TENM1: variants seen among roughly 807,000 people sequenced by gnomAD.
The protein encoded by TENM1 is teneurin-1.
In TENM1, 35 loss-of-function variants were observed where a neutral mutation model predicts 174.8. The ratio of observed to expected loss-of-function variants is 0.20; its 90% CI spans 0.15 to 0.27. The LOEUF is 0.27. Among genes scored for constraint, TENM1 ranks in the 10% least tolerant of loss-of-function variants. The probability of loss-of-function intolerance (pLI) is 1.00; values close to 1 mark genes in which losing one functional copy is unlikely to be tolerated. For missense variants in TENM1, 1,633 were observed against 2,130.1 expected (o/e 0.77, Z 4.59); for synonymous variants, 781 against 798.7 (o/e 0.98, Z 0.37).
intron 6 of TENM1, among the ~76,000 whole-genome samples, chrX:124,661,208 T>A (rs1336846918): frequency 8.9e-6 from 1 of 111,815 alleles, no homozygotes; most frequent in Non-Finnish European, 1.9e-5. Flanking sequence ...TTCTTTCTGA[T>A]GTGATGAAAA....
chrX:125,081,432 T>C, the TENM1 span, among the ~76,000 whole-genome samples: 1 of 110,837 alleles, frequency 9.0e-6, no homozygotes, highest in African/African-American at 3.3e-5. Context: ...TGTCTTTCAA[T>C]TTCCCTCCCA....
intron 3 of TENM1, among the ~76,000 whole-genome samples, chrX:124,847,228 G>A (rs2056626490): frequency 9.0e-6 from 1 of 111,241 alleles, no homozygotes; most frequent in Non-Finnish European, 1.9e-5. Flanking sequence ...GGGCTATTTT[G>A]CTTTGGAGTC....
intron 22 of TENM1, among the ~76,000 whole-genome samples, chrX:124,477,581 G>C (rs1460546114): frequency 9.1e-6 from 1 of 110,345 alleles, no homozygotes; most frequent in African/African-American, 3.2e-5. Context: ...GTGAAACCCC[G>C]TCTCTACTAA....
chrX:124,604,086 T>C (rs2050093648), intron 11 of TENM1, among the ~76,000 whole-genome samples: 1 of 111,207 alleles, frequency 9.0e-6, no homozygotes, highest in African/African-American at 3.3e-5. Context: ...TAACTTCTGT[T>C]GTCAATTTAT....
At chrX:124,465,546 C>T (rs1240410707) in intron 22 of TENM1, among the ~76,000 whole-genome samples, 2 of 111,813 alleles carry the variant, frequency 1.8e-5, no homozygotes. Context: ...GCCACCGTGC[C>T]CCATCTTAGT....
chrX:124,705,170 G>A lies in TENM1; in HGVS notation c.858C>T (p.Thr286=), dbSNP rs781451480. ...GAGGCCTGGGAGGGGGCGAGTACAC[G>A]GTATTGGATGTCAGAGGGTAGTTCT... Residue 286 remains threonine (T), a synonymous_variant, in exon 5 of 32, where the codon ACC becomes ACT. Transcript: ENST00000422452. 1.4e-4 allele frequency: 171 copies of A among 1,209,200 alleles called. No homozygotes were observed. In the South Asian group the frequency reaches 2.2e-3, roughly 15 times the overall value.
chrX:125,165,063 T>A, the TENM1 span, among the ~76,000 whole-genome samples: 103 of 111,993 alleles, frequency 9.2e-4, no homozygotes, highest in African/African-American at 3.3e-3. Flanking sequence ...TGTCTGTCAT[T>A]ACAGATTAGT....
chrX:124,420,215 G>A, intron 25 of TENM1, 96 bp downstream of exon 28: 1 of 942,528 alleles, frequency 1.1e-6, no homozygotes, highest in Non-Finnish European at 1.5e-6. Context: ...GGAGAAAACA[G>A]CATGCAACAC....
At chrX:125,091,005 A>AG in the TENM1 span, among the ~76,000 whole-genome samples, 1 of 111,668 alleles carries the variant, frequency 9.0e-6, no homozygotes, top group South Asian at 3.8e-4. Context: ...AAGAGTTGAA[A>AG]GCAACTCAGT....
At chrX:124,472,380 T>TG (rs1393114669) in intron 22 of TENM1, among the ~76,000 whole-genome samples, 1 of 90,974 alleles carries the variant, frequency 1.1e-5, no homozygotes, top group African/African-American at 4.0e-5. Context: ...GAGGTACTCC[T>TG]GGGTTTTTTT....
intron 3 of TENM1, among the ~76,000 whole-genome samples, chrX:124,763,502 A>C (rs747755193): frequency 9.0e-5 from 10 of 111,292 alleles, no homozygotes; most frequent in Middle Eastern, 4.7e-3. Flanking sequence ...ACACACACAC[A>C]CCCCTTTGAA....
chrX:124,938,972 G>A (rs2058285939), intron 1 of TENM1, among the ~76,000 whole-genome samples: 1 of 111,558 alleles, frequency 9.0e-6, no homozygotes, highest in Non-Finnish European at 1.9e-5. Context: ...TGGGAAAAAA[G>A]CCAATGTTTA....
chrX:125,052,521 C>T, the TENM1 span, among the ~76,000 whole-genome samples: 4 of 111,639 alleles, frequency 3.6e-5, no homozygotes, highest in East Asian at 1.1e-3. Flanking sequence ...ACCTTGCTTA[C>T]CCTCTTGTGG....
chrX:125,062,761 C>T, the TENM1 span, among the ~76,000 whole-genome samples: 2 of 111,882 alleles, frequency 1.8e-5, no homozygotes, highest in African/African-American at 6.5e-5. Flanking sequence ...ATTGACTTAG[C>T]TCTGATACTA....
intron 7 of TENM1, 30 bp from the exon 11 acceptor site, chrX:124,652,154 C>T (rs1181342975): frequency 8.3e-7 from 1 of 1,198,226 alleles, no homozygotes; most frequent in East Asian, 3.0e-5. Flanking sequence ...GAAGATGAGC[C>T]ACTACTTTTT....
intron 3 of TENM1, among the ~76,000 whole-genome samples, chrX:124,780,346 G>A (rs1052659186): frequency 5.3e-5 from 6 of 112,268 alleles, no homozygotes; most frequent in African/African-American, 1.6e-4. Flanking sequence ...TTCTGCTAGA[G>A]TAAGAGAAAT....
chrX:124,760,881 G>A (rs188058956), intron 3 of TENM1, among the ~76,000 whole-genome samples: 2,110 of 111,498 alleles, frequency 0.019, 20 homozygotes, highest in Non-Finnish European at 0.029. Context: ...CAAAAAGTGC[G>A]CAAAGGATAT....
chrX:124,580,230 T>C (rs771495553), intron 11 of TENM1, among the ~76,000 whole-genome samples: 1 of 110,881 alleles, frequency 9.0e-6, no homozygotes, highest in Non-Finnish European at 1.9e-5. Flanking sequence ...GACAAATGGA[T>C]AAAGAAAATG....
the TENM1 span, among the ~76,000 whole-genome samples, chrX:125,081,578 T>C: frequency 9.0e-6 from 1 of 111,188 alleles, no homozygotes; most frequent in East Asian, 2.8e-4. Context: ...GCAAGTTATA[T>C]AGATTTTTAG....
Sources: allele counts gnomAD v4.1 joint callset (sites outside exome capture counted in the v4.1 genomes callset), GRCh38; gene constraint gnomAD v4.1.1; transcripts MANE v1.5; gene names NCBI Gene and HGNC (gene_info 2026-07-23, HGNC 2026-07-21).